Variants in ARSB observed in about 807,000 individuals in gnomAD.
The protein encoded by ARSB is arylsulfatase B, also known as N-acetylgalactosamine-4-sulfatase.
In ARSB, 41 loss-of-function variants were observed where a neutral mutation model predicts 50.9. The ratio of observed to expected loss-of-function variants is 0.81; its 90% CI spans 0.63 to 1.04. The LOEUF (loss-of-function observed/expected upper bound fraction) is 1.04. Among genes scored for constraint, ARSB ranks in the 50% least tolerant of loss-of-function variants. The pLI is 0.00. For missense variants in ARSB, 672 were observed against 693.3 expected (o/e 0.97, Z 0.35); for synonymous variants, 269 against 284.8 (o/e 0.94, Z 0.56).
At chr5:78,885,852 T>C in intron 4 of ARSB, 25 bp from the exon 5 acceptor site, 5 of 1,614,140 alleles carry the variant, frequency 3.1e-6, no homozygotes, top group Non-Finnish European at 4.2e-6. Flanking sequence ...GGTCTTGGCA[T>C]GAGGATGATG....
At chr5:78,983,677 A>G (rs1161123603) in intron 1 of ARSB, among the ~76,000 whole-genome samples, 1 of 152,102 alleles carries the variant, frequency 6.6e-6, no homozygotes, top group Non-Finnish European at 1.5e-5. Flanking sequence ...CCCATTTCTA[A>G]CCTTGGCTAC....
intron 2 of ARSB, among the ~76,000 whole-genome samples, chr5:78,967,570 G>T (rs1752258775): frequency 6.6e-6 from 1 of 151,920 alleles, no homozygotes; most frequent in Non-Finnish European, 1.5e-5. Flanking sequence ...CTACTCAGGA[G>T]GCTGAGGCAG....
rs957470984 is a variant in ARSB, at chr5:78,815,920, T to C, written c.1213+23436A>G. ...TAAGACAGCCTCCTGGGGCCCCTTC[T>C]TTCTTGGAGAAGGCACTTTTCCTAT... On this transcript the variant is annotated intron_variant, in intron 6 of 7. Transcript: ENST00000264914. 82 of 1,503,426 alleles carry C rather than the reference T, an allele frequency of 5.5e-5. 1 individual carries two copies. The highest frequency in any genetic ancestry group is 6.4e-5 in the Non-Finnish European group (72 of 1,133,490). The allele number at this position is 1,503,426 out of a possible 1,614,324, so 93.1% of individuals were successfully genotyped here.
At chr5:78,970,949 G>C (rs1217756717) in intron 1 of ARSB, among the ~76,000 whole-genome samples, 2 of 152,176 alleles carry the variant, frequency 1.3e-5, no homozygotes, top group Non-Finnish European at 1.5e-5. Flanking sequence ...CTGGGCAACA[G>C]AGCAAGACCC....
At chr5:78,834,141 C>T (rs75270438) in intron 6 of ARSB, among the ~76,000 whole-genome samples, 7 of 152,220 alleles carry the variant, frequency 4.6e-5, no homozygotes, top group African/African-American at 1.7e-4. Context: ...GCTACGGAGA[C>T]CTTACTGTGC....
intron 4 of ARSB, among the ~76,000 whole-genome samples, chr5:78,929,182 G>C (rs139627073): frequency 6.6e-6 from 1 of 152,104 alleles, no homozygotes; most frequent in African/African-American, 2.4e-5. Context: ...TTGAATCCAC[G>C]CATACTCCTG....
At chr5:78,896,010 G>C (rs1351730078) in intron 4 of ARSB, among the ~76,000 whole-genome samples, 1 of 152,178 alleles carries the variant, frequency 6.6e-6, no homozygotes, top group Non-Finnish European at 1.5e-5. Flanking sequence ...GGAGCCGGGG[G>C]GCAGATGAGA....
At chr5:78,904,519 T>C (rs1580032333) in intron 4 of ARSB, among the ~76,000 whole-genome samples, 2 of 152,186 alleles carry the variant, frequency 1.3e-5, no homozygotes, top group Non-Finnish European at 2.9e-5. Context: ...TTTTCACACA[T>C]TATTCCTTTA....
intron 2 of ARSB, among the ~76,000 whole-genome samples, chr5:78,965,594 G>T (rs914375256): frequency 5.9e-5 from 9 of 152,052 alleles, no homozygotes; most frequent in Non-Finnish European, 1.2e-4. Flanking sequence ...TCATTGAATT[G>T]TACACTTTAA....
intron 6 of ARSB, among the ~76,000 whole-genome samples, chr5:78,822,891 C>A (rs139530097): frequency 0.028 from 4,305 of 152,292 alleles, 171 homozygotes; most frequent in African/African-American, 0.097. Flanking sequence ...CCGCCTCGGC[C>A]TCCCAAAGTG....
At chr5:78,885,454 T>C (rs1747973255) in intron 5 of ARSB, 130 bp downstream of exon 5, 3 of 1,375,080 alleles carry the variant, frequency 2.2e-6, no homozygotes, top group African/African-American at 1.4e-5. Flanking sequence ...AAGGCACTTA[T>C]TTTTCTTAAA....
In ARSB at chr5:78,781,887, C is replaced by T. The variant is rs1252936336; in HGVS notation, c.1301G>A (p.Arg434Lys). ...AFNTSVHAAIRHGNWKLLTGY... is the reference protein window; with the variant it reads ...AFNTSVHAAIKHGNWKLLTGY... The stretch of plus-strand genomic sequence containing the variant: ...CGTGAGGAGTTTCCAATTTCCATGT[C>T]TAATTGCAGCATGGACAGATGTGTT... The change falls in exon 7 of 8, where the codon AGA (arginine) becomes AAA (lysine). Residue 434 changes from arginine (R) to lysine (K), a missense_variant. Coordinates refer to ENST00000264914, the MANE Select transcript of ARSB (RefSeq NM_000046.5). 3.1e-6 allele frequency: 5 copies of T among 1,614,064 alleles called. No homozygotes were observed. The South Asian group carries it at 4.4e-5, about 14-fold the overall frequency.
chr5:78,904,223 T>C (rs1180827848), intron 4 of ARSB, among the ~76,000 whole-genome samples: 1 of 152,250 alleles, frequency 6.6e-6, no homozygotes, highest in South Asian at 2.1e-4. Flanking sequence ...GTACCACATC[T>C]GTTTATCTAT....
chr5:78,977,458 T>G (rs564198677), intron 1 of ARSB, among the ~76,000 whole-genome samples: 1 of 152,160 alleles, frequency 6.6e-6, no homozygotes, highest in African/African-American at 2.4e-5. Context: ...CTGGCCTGTT[T>G]GTATTTATTT....
At chr5:78,841,405 C>A (rs1745210545) in intron 5 of ARSB, among the ~76,000 whole-genome samples, 2 of 152,134 alleles carry the variant, frequency 1.3e-5, no homozygotes, top group East Asian at 1.9e-4. Context: ...GAAAGGAAAT[C>A]AAATGAAAGC....
intron 1 of ARSB, 77 bp from the exon 2 acceptor site, chr5:78,969,269 C>A: frequency 6.8e-7 from 1 of 1,477,754 alleles, no homozygotes; most frequent in Non-Finnish European, 9.4e-7. Context: ...GGCCTTCTAC[C>A]TTACTGATCA....
chr5:78,890,855 C>A (rs1056258967), intron 4 of ARSB, among the ~76,000 whole-genome samples: 13 of 152,168 alleles, frequency 8.5e-5, no homozygotes, highest in African/African-American at 3.1e-4. Context: ...CATGTTGGCT[C>A]CCTTGCCTAA....
chr5:78,799,483 G>A (rs1485646737), intron 6 of ARSB, among the ~76,000 whole-genome samples: 1 of 152,196 alleles, frequency 6.6e-6, no homozygotes, highest in Non-Finnish European at 1.5e-5. Context: ...AGTCTGGAGA[G>A]AGACTCCCTC....
At chr5:78,954,664 C>A (rs904778164) in intron 4 of ARSB, among the ~76,000 whole-genome samples, 1 of 152,028 alleles carries the variant, frequency 6.6e-6, no homozygotes, top group Non-Finnish European at 1.5e-5. Context: ...GCCACCATGC[C>A]CGGCTAATTT....
Sources: allele counts gnomAD v4.1 joint callset (sites outside exome capture counted in the v4.1 genomes callset), GRCh38; gene constraint gnomAD v4.1.1; transcripts MANE v1.5; gene names NCBI Gene and HGNC (gene_info 2026-07-23, HGNC 2026-07-21).